Variants in INPP1 observed in about 807,000 individuals in gnomAD.
INPP1 encodes the protein inositol polyphosphate-1-phosphatase, also known as inositol polyphosphate 1-phosphatase.
A neutral mutation model predicts 23.0 loss-of-function variants in INPP1; 18 were observed. The ratio of observed to expected loss-of-function variants is 0.78; its 90% CI spans 0.54 to 1.16. INPP1 has a LOEUF of 1.16. INPP1 is among the 50% of genes most tolerant of loss of function. The probability of loss-of-function intolerance (pLI) is 0.00; values close to 1 mark genes in which losing one functional copy is unlikely to be tolerated. For missense variants in INPP1, 448 were observed against 482.1 expected, an observed-to-expected ratio of 0.93 and a Z score of 0.66; for synonymous variants, 164 against 176.3, an observed-to-expected ratio of 0.93 and a Z score of 0.55.
In INPP1 at chr2:190,366,729, G is replaced by T. The variant is rs768673209; in HGVS notation, c.300G>T (p.Glu100Asp). ...TTACCTTGAGGTTGTGTTCAACAGAGGAGGAAACAGCAGAGCTTCTTAGCA... is the reference window on the plus strand; with the variant it reads ...TTACCTTGAGGTTGTGTTCAACAGATGAGGAAACAGCAGAGCTTCTTAGCA... ...EKITLRLCST[E>D]EETAELLSKV... The change falls in exon 5 of 7, where the codon GAG (glutamate) becomes GAT (aspartate). Residue 100 changes from glutamate to aspartate, a missense_variant. By Grantham distance (45) the Glu-to-Asp change is conservative. Coordinates refer to ENST00000392329, the MANE Select transcript of INPP1 (RefSeq NM_001128928.2). 6.2e-7 allele frequency: 1 copy of T among 1,613,218 alleles called. No homozygotes were observed. Among genetic ancestry groups the T allele is most frequent in the Admixed American group, 1.7e-5 (1 of 59,996 alleles).
Position 190,356,325 on chromosome 2 carries a change from G to A in INPP1, c.-64-3714G>A, listed in dbSNP as rs1166701553. On this transcript the variant is annotated intron_variant, in intron 2 of 6. Transcript: ENST00000392329. This position sits in a 1 kb window ranked among gnomAD's most constrained non-coding sequence, Gnocchi z 6.4. ...TGAACTCTGGGATAACCTTGGAACT[G>A]AAAAACCTGATTATTGTGTTATGAG... Among the ~76,000 whole-genome samples, 5 of 152,192 alleles carry A rather than the reference G, an allele frequency of 3.3e-5. No individual in the cohort carries two copies. Among genetic ancestry groups the A allele is most frequent in the Admixed American group, 3.3e-4 (5 of 15,268 alleles).
In INPP1 at chr2:190,354,256, TC is replaced by T. The variant is rs1424958777; in HGVS notation, c.-65+5228del. On this transcript the variant is annotated intron_variant, in intron 2 of 6. Coordinates refer to ENST00000392329, the MANE Select transcript of INPP1 (RefSeq NM_001128928.2). This position sits in a 1 kb window ranked among gnomAD's most constrained non-coding sequence, Gnocchi z 4.8. ...GACATAAATGGGGAGGAAAACACTA[TC>T]CCATTTTCACTTTTGGCCAGAAAAC... Among the ~76,000 whole-genome samples, 7 of 152,178 alleles carry T rather than the reference TC, an allele frequency of 4.6e-5. No homozygotes were observed. The highest frequency in any genetic ancestry group is 1.0e-4 in the Non-Finnish European group (7 of 68,024).
intron 5 of INPP1, 87 bp downstream of exon 5, chr2:190,366,982 A>G (rs1689692646): frequency 1.2e-6 from 1 of 823,566 alleles, no homozygotes; most frequent in African/African-American, 1.7e-5. Flanking sequence ...AATAAAAATT[A>G]TTGAGTGTAG....
intron 2 of INPP1, chr2:190,359,731 T>C (rs540511534): frequency 5.8e-4 from 141 of 244,186 alleles, no homozygotes; most frequent in Admixed American, 3.1e-3. Context: ...CCTTTAGCAT[T>C]GTGCTTGTGT....
Position 190,355,884 on chromosome 2 carries a change from A to G in INPP1, c.-64-4155A>G, listed in dbSNP as rs1265066365. Among the ~76,000 whole-genome samples, 1 of 152,224 alleles carries G rather than the reference A, an allele frequency of 6.6e-6. No homozygotes were observed. Among genetic ancestry groups the G allele is most frequent in the Non-Finnish European group, 1.5e-5 (1 of 68,040 alleles). On this transcript the variant is annotated intron_variant, in intron 2 of 6. Coordinates refer to ENST00000392329, the MANE Select transcript of INPP1 (RefSeq NM_001128928.2). The surrounding 1 kb of genome is among the most constrained non-coding windows in gnomAD (Gnocchi z 5.1). ...CAAACCCCATGACATGGGTTTAGCT[A>G]TATAACAAACCTGCACATGTAACCC... is the stretch of plus-strand genomic sequence containing the variant.
At chr2:190,361,532 C>A (rs1362775347) in intron 3 of INPP1, among the ~76,000 whole-genome samples, 1 of 152,018 alleles carries the variant, frequency 6.6e-6, no homozygotes, top group African/African-American at 2.4e-5. Flanking sequence ...TAGTTGGGTG[C>A]AAGGGATGGT....
intron 3 of INPP1, among the ~76,000 whole-genome samples, chr2:190,361,991 A>G (rs1049933888): frequency 6.6e-6 from 1 of 152,218 alleles, no homozygotes; most frequent in African/African-American, 2.4e-5. Context: ...TGCATCAGAA[A>G]GCTTCGTGAT....
At chr2:190,359,233 A>G (rs1463104749) in intron 2 of INPP1, among the ~76,000 whole-genome samples, 1 of 152,080 alleles carries the variant, frequency 6.6e-6, no homozygotes, top group African/African-American at 2.4e-5. Context: ...CCAGGAGGTC[A>G]AGGCTGCAAT....
intron 2 of INPP1, among the ~76,000 whole-genome samples, chr2:190,353,802 G>T (rs186546973): frequency 2.5e-4 from 38 of 152,294 alleles, no homozygotes; most frequent in Admixed American, 1.3e-3. Flanking sequence ...TCTGAAATAT[G>T]TCTAAATTAT....
intron 3 of INPP1, 102 bp downstream of exon 3, chr2:190,360,408 T>C: frequency 1.2e-6 from 1 of 849,416 alleles, no homozygotes; most frequent in Non-Finnish European, 1.8e-6. Flanking sequence ...ATCAGTATAC[T>C]AGCACCTTGA....
Position 190,369,106 on chromosome 2 carries a change from C to A in INPP1, c.470C>A (p.Ser157Ter). The part of the protein sequence containing the change: ...ILGIWVDPID[S>*]TYQYIKGSAD... The stretch of plus-strand genomic sequence containing the variant: ...ACACATTTGTTTCCTTTTTCAGATT[C>A]AACTTATCAGTATATAAAAGGTTCT... Residue 157 changes from serine to a stop codon, truncating the protein, a stop_gained, in exon 6 of 7, where the codon TCA becomes TAA. Coordinates refer to ENST00000392329, the MANE Select transcript of INPP1 (RefSeq NM_001128928.2). LOFTEE classifies it high-confidence loss of function. The A allele has an allele frequency of 1.9e-6, 3 of 1,557,428 alleles. No individual in the cohort carries two copies. The highest frequency in any genetic ancestry group is 2.6e-6 in the Non-Finnish European group (3 of 1,144,016).
rs1436771354 is a variant in INPP1 at position 190,368,199 on chromosome 2, T to C, written c.467-904T>C. Among the ~76,000 whole-genome samples, 2 of 152,206 alleles carry C rather than the reference T, an allele frequency of 1.3e-5. No homozygotes were observed. The highest frequency in any genetic ancestry group is 2.9e-5 in the Non-Finnish European group (2 of 68,040). ...CCTGTTTCTTGGTTCCACCCTGAAT[T>C]GATTCTGTTTTTGAGCTCTTTGAGT... On this transcript the variant is annotated intron_variant, in intron 5 of 6. Transcript: ENST00000392329. The surrounding 1 kb of genome is among the most constrained non-coding windows in gnomAD (Gnocchi z 4.3).
intron 6 of INPP1, 66 bp from the exon 7 acceptor site, chr2:190,370,778 G>A: frequency 1.8e-6 from 2 of 1,133,280 alleles, no homozygotes; most frequent in Admixed American, 4.4e-5. Flanking sequence ...CATTAAGTTT[G>A]AAAGTGACAT....
At position 190,355,612 on chromosome 2, in the gene INPP1, C is replaced by A. The variant is rs72627906; in HGVS notation, c.-64-4427C>A. ...TCTTGGGTAATTCTGATACAGGTAA[C>A]TCTCAGAACATCCATTGAGAAATAC... On this transcript the variant is annotated intron_variant, in intron 2 of 6. Coordinates refer to ENST00000392329, the MANE Select transcript of INPP1 (RefSeq NM_001128928.2). The surrounding 1 kb of genome is among the most constrained non-coding windows in gnomAD (Gnocchi z 5.1). Among the ~76,000 whole-genome samples the A allele has an allele frequency of 0.24, 37,068 of 152,094 alleles. 4,900 individuals carry two copies. The highest frequency in any genetic ancestry group is 0.5 in the East Asian group (2,567 of 5,178).
Position 190,369,056 on chromosome 2 carries a change from C to T in INPP1, c.467-47C>T, listed in dbSNP as rs954379018. 5 of 1,244,218 alleles carry T rather than the reference C, an allele frequency of 4.0e-6. No homozygotes were observed. The African/African-American group carries it at 6.0e-5, about 15-fold the overall frequency. 77.1% of individuals were successfully genotyped at this position (1,244,218 alleles called of 1,614,324 possible). On this transcript the variant is annotated intron_variant, in intron 5 of 6. Coordinates refer to ENST00000392329, the MANE Select transcript of INPP1 (RefSeq NM_001128928.2). ...GAGAAGTCATATGGAACAGAGTCTT[C>T]TAAATGATCTTTACCTGAATCCAAA...
intron 1 of INPP1, among the ~76,000 whole-genome samples, chr2:190,348,073 G>A (rs1413775573): frequency 2.0e-5 from 3 of 152,216 alleles, no homozygotes; most frequent in Admixed American, 2.0e-4. Context: ...GGGAGGCGGA[G>A]GTTGCAGTGA....
chr2:190,347,537 G>C (rs932924954), intron 1 of INPP1, among the ~76,000 whole-genome samples: 13 of 151,452 alleles, frequency 8.6e-5, no homozygotes, highest in African/African-American at 2.7e-4. Flanking sequence ...TCCTTTTTTG[G>C]GGGGGGATGG....
intron 2 of INPP1, among the ~76,000 whole-genome samples, chr2:190,353,702 C>T (rs894616766): frequency 2.0e-5 from 3 of 152,280 alleles, no homozygotes; most frequent in Admixed American, 6.5e-5. Flanking sequence ...TACCTGATGC[C>T]ACACAGCTAG....
intron 2 of INPP1, among the ~76,000 whole-genome samples, chr2:190,358,210 C>T (rs917878308): frequency 2.6e-5 from 4 of 151,598 alleles, no homozygotes; most frequent in Admixed American, 1.3e-4. Context: ...TCCCGAGTAG[C>T]TGAGACTACA....
Sources: allele counts gnomAD v4.1 joint callset (sites outside exome capture counted in the v4.1 genomes callset), GRCh38; gene constraint gnomAD v4.1.1; non-coding constraint Gnocchi (gnomAD v3.1); transcripts MANE v1.5; gene names NCBI Gene and HGNC (gene_info 2026-07-23, HGNC 2026-07-21).